Variants in GMDS observed in about 807,000 individuals in gnomAD.
GMDS encodes the protein GDP-mannose 4,6 dehydratase.
A neutral mutation model predicts 49.9 loss-of-function variants in GMDS; 20 were observed. The ratio of observed to expected loss-of-function variants is 0.40; its 90% CI spans 0.28 to 0.58. GMDS has a LOEUF of 0.58. GMDS is among the 20% of genes least tolerant of loss of function. The probability of loss-of-function intolerance (pLI) is 0.42; values close to 1 mark genes in which losing one functional copy is unlikely to be tolerated. For missense variants in GMDS, 362 were observed against 481.4 expected (o/e 0.75, Z 2.32); for synonymous variants, 177 against 178.6 (o/e 0.99, Z 0.07).
intron 7 of GMDS, among the ~76,000 whole-genome samples, chr6:1,895,675 C>T (rs1273928223): frequency 1.3e-5 from 2 of 152,114 alleles, no homozygotes; most frequent in African/African-American, 2.4e-5. Context: ...TGGTCATTAT[C>T]AAATAGAAAT....
intron 1 of GMDS, among the ~76,000 whole-genome samples, chr6:2,232,513 G>A (rs1369597310): frequency 6.6e-6 from 1 of 152,120 alleles, no homozygotes; most frequent in Admixed American, 6.5e-5. Context: ...GTTTCTTAGA[G>A]GACTTCAAAA....
chr6:2,020,100 C>T (rs1768182846), intron 4 of GMDS, among the ~76,000 whole-genome samples: 1 of 152,098 alleles, frequency 6.6e-6, no homozygotes, highest in South Asian at 2.1e-4. Flanking sequence ...AACCTAAAGT[C>T]TTAAACTGTC....
intron 7 of GMDS, among the ~76,000 whole-genome samples, chr6:1,799,555 C>T (rs1166034928): frequency 6.6e-6 from 1 of 152,102 alleles, no homozygotes; most frequent in Non-Finnish European, 1.5e-5. Context: ...GAAAATAGGG[C>T]TGTGCTTTTC....
At chr6:2,121,356 A>T (rs1274949654) in intron 2 of GMDS, among the ~76,000 whole-genome samples, 2 of 152,206 alleles carry the variant, frequency 1.3e-5, no homozygotes, top group East Asian at 3.9e-4. Flanking sequence ...CCTGTAGGTA[A>T]TAAAGAATGA....
chr6:1,760,856 C>T (rs911846722), intron 7 of GMDS, among the ~76,000 whole-genome samples: 6 of 152,120 alleles, frequency 3.9e-5, no homozygotes, highest in Admixed American at 6.5e-5. Flanking sequence ...TTTGTTCTTT[C>T]GGGTGGTCCA....
intron 4 of GMDS, among the ~76,000 whole-genome samples, chr6:2,009,419 T>G (rs1287305662): frequency 6.6e-6 from 1 of 152,152 alleles, no homozygotes; most frequent in East Asian, 1.9e-4. Flanking sequence ...GAACCAATGG[T>G]TTAGTAAACT....
intron 1 of GMDS, among the ~76,000 whole-genome samples, chr6:2,242,189 G>A (rs1009871958): frequency 6.6e-6 from 1 of 152,152 alleles, no homozygotes; most frequent in African/African-American, 2.4e-5. Flanking sequence ...AGAATTGTGA[G>A]GCCATTCAGC....
intron 7 of GMDS, among the ~76,000 whole-genome samples, chr6:1,758,150 T>C (rs74940759): frequency 0.017 from 2,638 of 152,256 alleles, 69 homozygotes; most frequent in African/African-American, 0.056. Flanking sequence ...CCTACTCTAA[T>C]CCTGTTTGCT....
intron 4 of GMDS, among the ~76,000 whole-genome samples, chr6:1,985,118 AAAGTT>A (rs1765464556): frequency 1.3e-5 from 2 of 152,300 alleles, no homozygotes; most frequent in African/African-American, 4.8e-5. Flanking sequence ...TATTTAACAT[AAAGTT>A]AAGTGTCTAA....
chr6:1,662,073 C>T lies in GMDS; in HGVS notation c.988-37533G>A, dbSNP rs1027090785. Among the ~76,000 whole-genome samples, 11 of 151,814 alleles carry T rather than the reference C, an allele frequency of 7.2e-5. No homozygotes were observed. The East Asian group carries it at 1.7e-3, about 24-fold the overall frequency. ...GCTGCTGGTGGAGAGAGAGGAACTG[C>T]GTGGCTGGAAGGCATTGTGCGGGAC... is the stretch of plus-strand genomic sequence containing the variant. On this transcript the variant is annotated intron_variant, in intron 9 of 10. Transcript: ENST00000380815.
intron 4 of GMDS, among the ~76,000 whole-genome samples, chr6:1,971,868 C>G (rs559180384): frequency 2.6e-5 from 4 of 152,328 alleles, no homozygotes; most frequent in Admixed American, 1.3e-4. Context: ...ATATGCAGGG[C>G]TCTGTTCTCA....
intron 7 of GMDS, among the ~76,000 whole-genome samples, chr6:1,843,028 C>T (rs996890229): frequency 9.2e-5 from 14 of 151,608 alleles, no homozygotes; most frequent in African/African-American, 1.9e-4. Context: ...GGTCAGTGAG[C>T]CCAGGAGGCG....
At chr6:1,685,134 T>C (rs552761354) in intron 9 of GMDS, among the ~76,000 whole-genome samples, 3 of 152,206 alleles carry the variant, frequency 2.0e-5, no homozygotes, top group South Asian at 2.1e-4. Context: ...CGGTGGCTCA[T>C]GCCTGTAATC....
At position 2,025,874 on chromosome 6, in the gene GMDS, A is replaced by G. The variant is rs144775086; in HGVS notation, c.346-64908T>C. ...CTGAATAATCAGCTCTGTAAATTAG[A>G]TTATTCTAACAGTCACATGGCAAAT... On this transcript the variant is annotated intron_variant, in intron 4 of 10. Transcript: ENST00000380815. 2.5e-3 allele frequency among the ~76,000 whole-genome samples: 374 copies of G among 150,856 alleles called. 1 individual carries two copies. The highest frequency in any genetic ancestry group is 8.8e-3 in the African/African-American group (363 of 41,358).
chr6:1,736,552 T>C (rs1767007564), intron 8 of GMDS, among the ~76,000 whole-genome samples: 1 of 152,148 alleles, frequency 6.6e-6, no homozygotes, highest in Non-Finnish European at 1.5e-5. Context: ...GGATTTTGAG[T>C]GACGATGAAT....
rs564375040 is a variant in GMDS at position 2,209,056 on chromosome 6, C to T, written c.102+36265G>A. On this transcript the variant is annotated intron_variant, in intron 1 of 10. Coordinates refer to ENST00000380815, the MANE Select transcript of GMDS (RefSeq NM_001500.4). The stretch of plus-strand genomic sequence containing the variant: ...CCCCACCTCCTTCATGTTAACAGCA[C>T]ATGGTTAAGTGTTCAGCAGGGCATT... Among the ~76,000 whole-genome samples, 5 of 152,208 alleles carry T rather than the reference C, an allele frequency of 3.3e-5. No individual in the cohort carries two copies. In the South Asian group the frequency reaches 8.3e-4, roughly 25 times the overall value.
Position 2,117,505 on chromosome 6 carries a change from G to T in GMDS, c.199C>A (p.His67Asn). The change falls in exon 3 of 11, where the codon CAT becomes AAT. Residue 67 changes from histidine to asparagine, a missense_variant. By Grantham distance (68) the His-to-Asn change is moderately conservative (BLOSUM62 1). Transcript: ENST00000380815. ...TGAGCCTGGGGATTCTTATACAGAT[G>T]CTCAATTCGACCCGTATTAAATGAA... ...SSSFNTGRIE[H>N]LYKNPQAHIE... The T allele has an allele frequency of 6.2e-7, 1 of 1,607,676 alleles. No homozygotes were observed. Among genetic ancestry groups the T allele is most frequent in the Non-Finnish European group, 8.5e-7 (1 of 1,174,162 alleles).
At chr6:1,930,685 C>T (rs957861557) in intron 6 of GMDS, 1 of 152,410 alleles carries the variant, frequency 6.6e-6, no homozygotes, top group Non-Finnish European at 1.5e-5. Flanking sequence ...CTTTGGGACT[C>T]ATGGGGAGAG....
intron 1 of GMDS, among the ~76,000 whole-genome samples, chr6:2,158,305 T>C (rs563568284): frequency 6.6e-6 from 1 of 152,322 alleles, no homozygotes; most frequent in Admixed American, 6.5e-5. Context: ...ATTCAAAGGC[T>C]ATCTCAATTT....
Sources: allele counts gnomAD v4.1 joint callset (sites outside exome capture counted in the v4.1 genomes callset), GRCh38; gene constraint gnomAD v4.1.1; transcripts MANE v1.5; gene names NCBI Gene and HGNC (gene_info 2026-07-23, HGNC 2026-07-21).